PRKAR1A: variants seen among roughly 807,000 people sequenced by gnomAD.
PRKAR1A encodes cAMP-dependent protein kinase type I-alpha regulatory subunit.
A neutral mutation model predicts 52.0 loss-of-function variants in PRKAR1A; 3 were observed. That is an observed-to-expected ratio of 0.06 (90% CI 0.03 to 0.15). The LOEUF (loss-of-function observed/expected upper bound fraction) is 0.15. Ranked by LOEUF, PRKAR1A falls within the 10% of genes least tolerant of loss-of-function variation. PRKAR1A has a pLI of 1.00. For synonymous variants in PRKAR1A, 188 were observed against 168.4 expected (o/e 1.12, Z -0.90); for missense variants, 240 against 477.4 (o/e 0.50, Z 4.63).
chr17:68,514,447 T>C (rs1176897544), intron 1 of PRKAR1A, among the ~76,000 whole-genome samples: 1 of 152,212 alleles, frequency 6.6e-6, no homozygotes, highest in Non-Finnish European at 1.5e-5. Context: ...TGTTGTTAAA[T>C]TAGTAAACTT....
At chr17:68,461,714 G>A in the PRKAR1A span, among the ~76,000 whole-genome samples, 1 of 152,180 alleles carries the variant, frequency 6.6e-6, no homozygotes, top group Non-Finnish European at 1.5e-5. This position sits in a 1 kb window ranked among gnomAD's most constrained non-coding sequence, Gnocchi z 4.6. Context: ...TTGAGAAAGG[G>A]TAAAGGAGGA....
At chr17:68,465,234 G>A in the PRKAR1A span, among the ~76,000 whole-genome samples, 1 of 151,376 alleles carries the variant, frequency 6.6e-6, no homozygotes, top group Non-Finnish European at 1.5e-5. Flanking sequence ...GCCCGGCCCC[G>A]GCCGGGTTAT....
chr17:68,476,577 C>T, the PRKAR1A span, among the ~76,000 whole-genome samples: 1 of 151,766 alleles, frequency 6.6e-6, no homozygotes, highest in African/African-American at 2.4e-5. Context: ...TTTGTCTGTC[C>T]GTCTCTCTCA....
chr17:68,493,831 A>G, the PRKAR1A span, among the ~76,000 whole-genome samples: 1 of 152,060 alleles, frequency 6.6e-6, no homozygotes, highest in African/African-American at 2.4e-5. Flanking sequence ...TGACCTCATG[A>G]TCTGCCTGCC....
the PRKAR1A span, among the ~76,000 whole-genome samples, chr17:68,494,933 G>A: frequency 2.0e-5 from 3 of 152,178 alleles, no homozygotes; most frequent in Admixed American, 6.6e-5. Context: ...TTAGATAGCC[G>A]TAGATAATTG....
At chr17:68,421,892 G>A in the PRKAR1A span, 29 of 1,596,164 alleles carry the variant, frequency 1.8e-5, no homozygotes, top group Non-Finnish European at 2.5e-5. Flanking sequence ...TTATCAACAG[G>A]TCTGTGCCCA....
At chr17:68,478,587 T>G in the PRKAR1A span, among the ~76,000 whole-genome samples, 4 of 151,548 alleles carry the variant, frequency 2.6e-5, no homozygotes, top group African/African-American at 9.7e-5. Flanking sequence ...TATTGTTCTT[T>G]TGTTATGACC....
chr17:68,504,227 G>A, the PRKAR1A span, among the ~76,000 whole-genome samples: 1 of 152,090 alleles, frequency 6.6e-6, no homozygotes, highest in African/African-American at 2.4e-5. Context: ...CACTTTGGGA[G>A]GCCAAGGCAG....
chr17:68,437,010 A>ATGTGTGTGTGTGTGTGTGTG, the PRKAR1A span, among the ~76,000 whole-genome samples: 5 of 77,958 alleles, frequency 6.4e-5, no homozygotes, highest in African/African-American at 2.4e-4. Flanking sequence ...AAAAAAATAT[A>ATGTGTGTGTGTGTGTGTGTG]TATATATGTG....
chr17:68,511,905 C>T (rs990121603), upstream of PRKAR1A: 3 of 152,190 alleles, frequency 2.0e-5, no homozygotes, highest in Admixed American at 6.5e-5. Context: ...CGGGGCCCTC[C>T]CTTGCAGGGG....
At chr17:68,427,892 T>C in the PRKAR1A span, among the ~76,000 whole-genome samples, 1 of 152,032 alleles carries the variant, frequency 6.6e-6, no homozygotes, top group East Asian at 1.9e-4. Context: ...TTTTCTTTTG[T>C]TTTCTTTTCT....
chr17:68,489,492 A>G, the PRKAR1A span, among the ~76,000 whole-genome samples: 268 of 144,226 alleles, frequency 1.9e-3, 1 homozygote, highest in African/African-American at 6.5e-3. Flanking sequence ...GTATATCTAT[A>G]TATATAGATA....
chr17:68,530,598 C>G lies in PRKAR1A; in HGVS notation c.*149C>G. 3.9e-6 allele frequency: 6 copies of G among 1,542,188 alleles called. No homozygotes were observed. In the Admixed American group the frequency reaches 1.2e-4, roughly 30 times the overall value. On this transcript the variant is annotated 3_prime_UTR_variant, in exon 11 of 11. Coordinates refer to ENST00000589228, the MANE Select transcript of PRKAR1A (RefSeq NM_002734.5). ...TATATTGAAAGTTGCTTTTATTGCA[C>G]CATTTTCAATTTGGAGCATTAACTA...
chr17:68,543,349 A>G (rs1036614232), intron 11 of PRKAR1A, among the ~76,000 whole-genome samples: 8 of 152,182 alleles, frequency 5.3e-5, no homozygotes, highest in African/African-American at 1.9e-4. Flanking sequence ...CCTCGCTCTC[A>G]GATCAGGAAA....
intron 8 of PRKAR1A, 108 bp downstream of exon 8, chr17:68,528,008 CT>C: frequency 1.0e-6 from 1 of 977,702 alleles, no homozygotes; most frequent in Non-Finnish European, 1.6e-6. Context: ...CTCATTCCCC[CT>C]GAAAAGACAG....
the PRKAR1A span, among the ~76,000 whole-genome samples, chr17:68,461,536 G>A: frequency 6.6e-6 from 1 of 152,160 alleles, no homozygotes; most frequent in South Asian, 2.1e-4. This position sits in a 1 kb window ranked among gnomAD's most constrained non-coding sequence, Gnocchi z 4.6. Flanking sequence ...TAACTACTAG[G>A]TGAACAAACA....
the PRKAR1A span, among the ~76,000 whole-genome samples, chr17:68,457,182 G>A: frequency 2.6e-5 from 4 of 152,160 alleles, no homozygotes; most frequent in African/African-American, 9.7e-5. Context: ...CCCACTGAAG[G>A]GGTACGGGGA....
chr17:68,514,003 C>T (rs888377977), intron 1 of PRKAR1A, among the ~76,000 whole-genome samples: 1 of 152,180 alleles, frequency 6.6e-6, no homozygotes, highest in Non-Finnish European at 1.5e-5. Context: ...ATCTTCAGTT[C>T]ATATGATTGC....
chr17:68,501,161 G>T, the PRKAR1A span, among the ~76,000 whole-genome samples: 30 of 152,258 alleles, frequency 2.0e-4, no homozygotes, highest in Middle Eastern at 3.4e-3. Context: ...GCTGTGAATT[G>T]CCCTGACTCT....
Sources: allele counts gnomAD v4.1 joint callset (sites outside exome capture counted in the v4.1 genomes callset), GRCh38; gene constraint gnomAD v4.1.1; non-coding constraint Gnocchi (gnomAD v3.1); transcripts MANE v1.5; gene names NCBI Gene and HGNC (gene_info 2026-07-23, HGNC 2026-07-21).